Variants in FOLH1 observed in about 807,000 individuals in gnomAD.
The protein encoded by FOLH1 is glutamate carboxypeptidase 2.
Under a neutral mutation model 93.9 loss-of-function variants are expected in FOLH1, and 54 were observed. The observed-to-expected ratio is 0.57, with a 90% CI of 0.46 to 0.72. The LOEUF is 0.72. Among genes scored for constraint, FOLH1 ranks in the 30% least tolerant of loss-of-function variants. FOLH1 has a pLI of 0.00. For synonymous variants in FOLH1, 249 were observed against 303.6 expected (o/e 0.82, Z 1.87); for missense variants, 571 against 892.5 (o/e 0.64, Z 4.59).
At chr11:49,187,312 T>C (rs1316866176) in intron 4 of FOLH1, among the ~76,000 whole-genome samples, 1 of 152,206 alleles carries the variant, frequency 6.6e-6, no homozygotes, top group African/African-American at 2.4e-5. Flanking sequence ...GGCTCAATGA[T>C]CTGCTAGATT....
chr11:49,197,638 G>T (rs1396239248), intron 3 of FOLH1, among the ~76,000 whole-genome samples: 1 of 152,062 alleles, frequency 6.6e-6, no homozygotes, highest in Admixed American at 6.5e-5. Flanking sequence ...TTGTGCAGGG[G>T]TATAAAAGAA....
chr11:49,195,777 C>A (rs1285675481), intron 3 of FOLH1, among the ~76,000 whole-genome samples: 4 of 152,218 alleles, frequency 2.6e-5, no homozygotes, highest in African/African-American at 9.6e-5. Flanking sequence ...ATACTAGGAA[C>A]AACTATACTA....
chr11:49,208,220 T>C (rs1368562100), intron 1 of FOLH1, 72 bp downstream of exon 1: 9 of 1,146,208 alleles, frequency 7.9e-6, no homozygotes, highest in East Asian at 2.6e-5. Flanking sequence ...ACTCGGCAGC[T>C]GACCCGCGAG....
chr11:49,187,404 A>G (rs1331671194), intron 4 of FOLH1, among the ~76,000 whole-genome samples: 1 of 152,144 alleles, frequency 6.6e-6, no homozygotes, highest in Admixed American at 6.5e-5. Flanking sequence ...TAAAATTTAA[A>G]ATTTTTTATC....
At chr11:49,206,705 G>A (rs1164846993) in intron 1 of FOLH1, 18 of 1,435,830 alleles carry the variant, frequency 1.3e-5, no homozygotes, top group Non-Finnish European at 1.7e-5. Context: ...AAAATGCTGT[G>A]AGAGTTTGCG....
At chr11:49,158,145 A>G in intron 13 of FOLH1, 102 bp from the exon 14 acceptor site, 3 of 1,002,616 alleles carry the variant, frequency 3.0e-6, no homozygotes, top group Admixed American at 6.3e-5. Context: ...CAATTCAGCA[A>G]AAACAAGGGA....
chr11:49,155,785 A>C (rs1218301959), intron 15 of FOLH1, among the ~76,000 whole-genome samples: 1 of 123,720 alleles, frequency 8.1e-6, no homozygotes, highest in Non-Finnish European at 1.8e-5. Flanking sequence ...ACTTTGAAGA[A>C]AATGAAAACC....
chr11:49,194,083 C>T (rs10839237), intron 3 of FOLH1, among the ~76,000 whole-genome samples: 19,012 of 135,578 alleles, frequency 0.14, 1,486 homozygotes, highest in South Asian at 0.24. Context: ...ACCCAGCAGG[C>T]AAGCTTGCAG....
rs1863907870 is a variant in FOLH1, at chr11:49,206,144, A to G, written c.147T>C (p.Ala49=). Residue 49 remains alanine (A), a synonymous_variant, in exon 2 of 19, where the codon GCT becomes GCC. Coordinates refer to ENST00000256999, the MANE Select transcript of FOLH1 (RefSeq NM_004476.3). ...TATTATGCTTTGGAGTAATGTTAGT[A>G]GCTTCATTGGAGGATTTTATAAACC... ...FGWFIKSSNE[A]TNITPKHNMK... 6.2e-7 allele frequency: 1 copy of G among 1,612,440 alleles called. No individual in the cohort carries two copies. The highest frequency in any genetic ancestry group is 1.3e-5 in the African/African-American group (1 of 74,896).
chr11:49,183,997 T>C (rs1861086344), intron 6 of FOLH1, among the ~76,000 whole-genome samples: 1 of 152,206 alleles, frequency 6.6e-6, no homozygotes, highest in African/African-American at 2.4e-5. Flanking sequence ...TGTATTTTAT[T>C]GCATGTAAAC....
intron 3 of FOLH1, among the ~76,000 whole-genome samples, chr11:49,197,968 A>G (rs1862805222): frequency 1.3e-5 from 2 of 152,110 alleles, no homozygotes; most frequent in Admixed American, 1.3e-4. Flanking sequence ...GGATAAAAAT[A>G]AAAAAGAACT....
chr11:49,190,889 T>G (rs1861952124), intron 4 of FOLH1, among the ~76,000 whole-genome samples: 3 of 152,204 alleles, frequency 2.0e-5, no homozygotes, highest in Admixed American at 2.0e-4. Context: ...ACATTTAATT[T>G]AAAATAGCTA....
At chr11:49,206,488 G>A (rs1478398988) in intron 1 of FOLH1, among the ~76,000 whole-genome samples, 3 of 152,152 alleles carry the variant, frequency 2.0e-5, no homozygotes, top group Non-Finnish European at 4.4e-5. Flanking sequence ...CAACTAATGG[G>A]TGTAAACGAG....
At chr11:49,167,625 G>T (rs1419351265) in intron 12 of FOLH1, among the ~76,000 whole-genome samples, 2 of 151,978 alleles carry the variant, frequency 1.3e-5, no homozygotes, top group African/African-American at 4.8e-5. Context: ...GACCAACCTG[G>T]GTAATATGGT....
intron 17 of FOLH1, among the ~76,000 whole-genome samples, chr11:49,151,632 C>T (rs1201103194): frequency 6.6e-6 from 1 of 152,164 alleles, no homozygotes; most frequent in East Asian, 1.9e-4. Context: ...TCAGGTGTTT[C>T]AGAATTTGTA....
At chr11:49,167,865 A>C (rs202668) in intron 12 of FOLH1, among the ~76,000 whole-genome samples, 68,447 of 151,034 alleles carry the variant, frequency 0.45, 16,647 homozygotes, top group African/African-American at 0.64. Context: ...ACAGAAAAAA[A>C]AAACAAACAA....
chr11:49,157,783 A>G (rs569071460), intron 14 of FOLH1, among the ~76,000 whole-genome samples, 169 bp downstream of exon 14: 2 of 152,274 alleles, frequency 1.3e-5, no homozygotes, highest in Admixed American at 1.3e-4. Context: ...AGATTTAACT[A>G]CAAAACACAT....
At chr11:49,200,698 C>T (rs897813337) in intron 2 of FOLH1, among the ~76,000 whole-genome samples, 2 of 152,096 alleles carry the variant, frequency 1.3e-5, no homozygotes, top group East Asian at 1.9e-4. Flanking sequence ...ACTATAACCT[C>T]GTATGGTAGA....
rs1200982207 is a variant in FOLH1, at chr11:49,155,283, G to A, written c.1624-791C>T. On this transcript the variant is annotated intron_variant, in intron 15 of 18. Transcript: ENST00000256999. The stretch of plus-strand genomic sequence containing the variant: ...GACTTTTCTTTGTTGTAATTTTTTC[G>A]TAGTAAAATGTAGACAATATTAATA... 4.6e-5 allele frequency among the ~76,000 whole-genome samples: 7 copies of A among 152,032 alleles called. No homozygotes were observed. The East Asian group carries it at 1.2e-3, about 25-fold the overall frequency.
Sources: gnomAD v4.1 joint callset for allele counts (sites outside exome capture counted in the v4.1 genomes callset) on GRCh38, gnomAD v4.1.1 for gene constraint, MANE v1.5 for transcripts, NCBI Gene and HGNC (gene_info 2026-07-23, HGNC 2026-07-21) for gene names.